CSNK1D: variants seen among roughly 807,000 people sequenced by gnomAD.
CSNK1D encodes the protein casein kinase I isoform delta.
Under a neutral mutation model 46.6 loss-of-function variants are expected in CSNK1D, and 16 were observed. The observed-to-expected ratio is 0.34, with a 90% CI of 0.23 to 0.52. The LOEUF is 0.52. CSNK1D is among the 20% of genes least tolerant of loss of function. The probability of loss-of-function intolerance (pLI) is 0.95; values close to 1 mark genes in which losing one functional copy is unlikely to be tolerated. For synonymous variants in CSNK1D, 276 were observed against 228.2 expected (o/e 1.21, Z -1.89); for missense variants, 398 against 578.4 (o/e 0.69, Z 3.20).
intron 2 of CSNK1D, among the ~76,000 whole-genome samples, chr17:82,259,210 G>A (rs564407564): frequency 1.3e-5 from 2 of 152,222 alleles, no homozygotes; most frequent in Non-Finnish European, 2.9e-5. Context: ...ATACCTTTTT[G>A]CTACTGTAAG....
rs761464120 is a variant in CSNK1D, at chr17:82,253,188, T to C, written c.393A>G (p.Pro131=). 1.2e-6 allele frequency: 2 copies of C among 1,614,216 alleles called. No individual in the cohort carries two copies. Among genetic ancestry groups the C allele is most frequent in the Non-Finnish European group, 8.5e-7 (1 of 1,180,030 alleles). Residue 131 remains proline, a synonymous_variant, in exon 4 of 9, where the codon CCA becomes CCG. Transcript: ENST00000314028. The part of the protein sequence containing the change: ...SKNFIHRDVK[P]DNFLMGLGKK... ...TCCCCAGGCCCATGAGGAAGTTGTC[T>C]GGCTTCACATCCCGGTGGATGAAGT...
At position 82,248,595 on chromosome 17, in the gene CSNK1D, ACAG is replaced by A; in HGVS notation, c.1197+277_1197+279del. ...CGGCTGCGGGCAGCGGGGCACTCAA[ACAG>A]CAGGAGAAAGCCCCCACGGTTTGCT... On this transcript the variant is annotated intron_variant, in intron 8 of 8. Coordinates refer to ENST00000314028, the MANE Select transcript of CSNK1D (RefSeq NM_001893.6). The surrounding 1 kb of genome is among the most constrained non-coding windows in gnomAD (Gnocchi z 4.1). 7.8e-7 allele frequency: 1 copy of A among 1,286,524 alleles called. No homozygotes were observed. 79.7% of individuals were successfully genotyped at this position (1,286,524 alleles called of 1,614,324 possible).
rs780457024 is a variant in CSNK1D at position 82,242,989 on chromosome 17, G to A, written c.*1792C>T. On this transcript the variant is annotated 3_prime_UTR_variant, in exon 9 of 9. Transcript: ENST00000314028. ...TCAGGCCACAGCGCGACGTCTCTCC[G>A]GGTGGGGGACGTCTACCTTCAAGAA... The A allele has an allele frequency of 9.1e-6, 9 of 985,330 alleles. No homozygotes were observed. The highest frequency in any genetic ancestry group is 4.7e-5 in the South Asian group (1 of 21,290). The allele number at this position is 985,330 out of a possible 1,614,324, so 61.0% of individuals were successfully genotyped here. A position where few individuals can be genotyped will look rare whatever the true frequency, so the allele number is the denominator to read the frequency against.
Position 82,248,847 on chromosome 17 carries a change from A to AGCGC in CSNK1D, c.1197+24_1197+27dup, listed in dbSNP as rs752720874. 1.8e-5 allele frequency: 29 copies of AGCGC among 1,601,494 alleles called. No homozygotes were observed. The highest frequency in any genetic ancestry group is 2.3e-5 in the Non-Finnish European group (27 of 1,173,728). ...ACTCGGACGGGGTAGCCCGAGGCCC[A>AGCGC]GCGCCCGCCCGGGAGCTCTGCACCT... is the stretch of plus-strand genomic sequence containing the variant. On this transcript the variant is annotated intron_variant, in intron 8 of 8. Transcript: ENST00000314028. The surrounding 1 kb of genome is among the most constrained non-coding windows in gnomAD (Gnocchi z 4.1).
intron 1 of CSNK1D, among the ~76,000 whole-genome samples, chr17:82,271,268 G>A (rs1282301995): frequency 1.3e-5 from 2 of 152,118 alleles, no homozygotes; most frequent in Admixed American, 1.3e-4. Context: ...TAGAGATGGG[G>A]TTTCGCCACT....
Position 82,242,756 on chromosome 17 carries a change from G to C in CSNK1D, c.*2025C>G. 1.0e-6 allele frequency: 1 copy of C among 985,446 alleles called. No homozygotes were observed. The highest frequency in any genetic ancestry group is 1.2e-6 in the Non-Finnish European group (1 of 829,952). The allele number at this position is 985,446 out of a possible 1,614,324, so 61.0% of individuals were successfully genotyped here. A position where few individuals can be genotyped will look rare whatever the true frequency, so the allele number is the denominator to read the frequency against. Reference sequence around the variant, plus strand: ...ATACAAACGCACAGCTCGGAGACTGGCCGTCAGTGCACAGCTGACACGACG... The same window carrying C: ...ATACAAACGCACAGCTCGGAGACTGCCCGTCAGTGCACAGCTGACACGACG... On this transcript the variant is annotated 3_prime_UTR_variant, in exon 9 of 9. Transcript: ENST00000314028.
intron 2 of CSNK1D, among the ~76,000 whole-genome samples, chr17:82,258,870 G>A (rs1422502867): frequency 1.3e-5 from 2 of 152,190 alleles, no homozygotes; most frequent in African/African-American, 4.8e-5. Flanking sequence ...CCCTTCTCGT[G>A]GCCAGAACCA....
At chr17:82,267,999 A>G (rs2051522126) in intron 1 of CSNK1D, among the ~76,000 whole-genome samples, 1 of 152,222 alleles carries the variant, frequency 6.6e-6, no homozygotes, top group Non-Finnish European at 1.5e-5. Flanking sequence ...TCTGGCACAC[A>G]ACACGAATCA....
At chr17:82,245,349 A>C (rs2147151084) in intron 8 of CSNK1D, 1 of 251,940 alleles carries the variant, frequency 4.0e-6, no homozygotes, top group Admixed American at 5.1e-5. Context: ...CCATGCACCG[A>C]CGGCGGGGAG....
intron 8 of CSNK1D, chr17:82,245,141 C>A (rs1371740015): frequency 1.8e-6 from 1 of 557,064 alleles, no homozygotes; most frequent in Non-Finnish European, 3.2e-6. Context: ...TGGAAAGGAA[C>A]CTGGTGTTTG....
chr17:82,261,195 G>C (rs1291594994), intron 2 of CSNK1D: 1 of 154,834 alleles, frequency 6.5e-6, no homozygotes, highest in African/African-American at 2.4e-5. Context: ...TGTGCTCTAT[G>C]GACTTACTGC....
chr17:82,245,228 A>G, intron 8 of CSNK1D: 1 of 368,012 alleles, frequency 2.7e-6, no homozygotes, highest in Non-Finnish European at 5.2e-6. Context: ...ACAGTGTGAA[A>G]ACTGCAGCGG....
chr17:82,247,261 T>C (rs1359039961), intron 8 of CSNK1D: 2 of 985,142 alleles, frequency 2.0e-6, no homozygotes, highest in African/African-American at 1.7e-5. Flanking sequence ...CAGCTCACCA[T>C]GGAAGGAGAC....
chr17:82,266,738 C>G (rs1371630702), intron 1 of CSNK1D: 1 of 152,346 alleles, frequency 6.6e-6, no homozygotes, highest in African/African-American at 2.4e-5. Flanking sequence ...GCTCTCTCCT[C>G]TTCCCTCACG....
At position 82,252,178 on chromosome 17, in the gene CSNK1D, C is replaced by T. The variant is rs538699425; in HGVS notation, c.736+256G>A. 9.1e-4 allele frequency among the ~76,000 whole-genome samples: 139 copies of T among 152,308 alleles called. No homozygotes were observed. The highest frequency in any genetic ancestry group is 1.4e-3 in the Non-Finnish European group (97 of 68,028). On this transcript the variant is annotated intron_variant, in intron 5 of 8. Transcript: ENST00000314028. This position sits in a 1 kb window ranked among gnomAD's most constrained non-coding sequence, Gnocchi z 4.6. ...TCCAGCCACTTGGGGCCCTGAGGCT[C>T]GGGCCTGCCTTGCCTGCCATCTCTC...
rs1465063039 is a variant in CSNK1D, at chr17:82,243,743, G to A, written c.*1038C>T. On this transcript the variant is annotated 3_prime_UTR_variant, in exon 9 of 9. Transcript: ENST00000314028. ...TTTAAGCACAGGCATTCATACAGAC[G>A]GAGTGCCAATCCGCACAGGAGCATT... 13 of 985,326 alleles carry A rather than the reference G, an allele frequency of 1.3e-5. No homozygotes were observed. The highest frequency in any genetic ancestry group is 3.5e-5 in the African/African-American group (2 of 57,214). The allele number at this position is 985,326 out of a possible 1,614,324, so 61.0% of individuals were successfully genotyped here. A position where few individuals can be genotyped will look rare whatever the true frequency, so the allele number is the denominator to read the frequency against.
At chr17:82,246,984 CAG>C in intron 8 of CSNK1D, 1 of 985,492 alleles carries the variant, frequency 1.0e-6, no homozygotes, top group Non-Finnish European at 1.2e-6. Flanking sequence ...CTGGTGCTGG[CAG>C]AGTCTGGCAG....
chr17:82,248,170 C>T lies in CSNK1D; in HGVS notation c.1197+705G>A, dbSNP rs1467243447. On this transcript the variant is annotated intron_variant, in intron 8 of 8. Transcript: ENST00000314028. The surrounding 1 kb of genome is among the most constrained non-coding windows in gnomAD (Gnocchi z 4.1). The stretch of plus-strand genomic sequence containing the variant: ...GCCCCACTAACCCTGCCCCTGTTGG[C>T]GAACAACCCAGAAAACTATTTGAAG... The T allele has an allele frequency of 6.1e-6, 6 of 985,384 alleles. No individual in the cohort carries two copies. The highest frequency in any genetic ancestry group is 1.1e-4 in the East Asian group (1 of 8,834). 61.0% of individuals were successfully genotyped at this position (985,384 alleles called of 1,614,324 possible).
At chr17:82,239,137 CG>C, downstream of CSNK1D, 1 of 661,316 alleles carries the variant, frequency 1.5e-6, no homozygotes, top group Non-Finnish European at 2.4e-6. Context: ...GGGAAGGTGG[CG>C]GGGTGGGAAC....
Sources: gnomAD v4.1 joint callset for allele counts (sites outside exome capture counted in the v4.1 genomes callset) on GRCh38, gnomAD v4.1.1 for gene constraint, Gnocchi (gnomAD v3.1) non-coding constraint, MANE v1.5 for transcripts, NCBI Gene and HGNC (gene_info 2026-07-23, HGNC 2026-07-21) for gene names.